The following DCX variants were observed in gnomAD, a reference collection of about 807,000 sequenced individuals.
DCX encodes the protein doublecortin.
DCX carries 4 observed loss-of-function variants against 20.9 expected under a neutral mutation model. That is an observed-to-expected ratio of 0.19 (90% CI 0.09 to 0.44). The LOEUF (loss-of-function observed/expected upper bound fraction) is 0.44. Among genes scored for constraint, DCX ranks in the 20% least tolerant of loss-of-function variants. The pLI is 0.99. For synonymous variants in DCX, 103 were observed against 111.4 expected (o/e 0.92, Z 0.47); for missense variants, 133 against 296.9 (o/e 0.45, Z 4.06).
At position 111,379,848 on chromosome X, in the gene DCX, A is replaced by T. The variant is rs763183213; in HGVS notation, c.705+21142T>A. 5.4e-5 allele frequency among the ~76,000 whole-genome samples: 6 copies of T among 110,621 alleles called. No individual in the cohort carries two copies. In the South Asian group the frequency reaches 2.3e-3, roughly 43 times the overall value. ...GAGGTTTCTTTCTTTCTTTTTTTTA[A>T]CTTCCTTGCCAATGCTTATTATTCT... On this transcript the variant is annotated intron_variant, in intron 3 of 6. Coordinates refer to ENST00000636035, the MANE Select transcript of DCX (RefSeq NM_001195553.2).
At chrX:111,391,979 G>A (rs1926987208) in intron 3 of DCX, among the ~76,000 whole-genome samples, 1 of 111,603 alleles carries the variant, frequency 9.0e-6, no homozygotes, top group South Asian at 3.8e-4. Flanking sequence ...CCACTGGATT[G>A]AAGGTCCCAA....
chrX:111,341,559 A>AAGACACAT (rs1922240389), intron 3 of DCX, among the ~76,000 whole-genome samples: 1 of 110,991 alleles, frequency 9.0e-6, no homozygotes, highest in Admixed American at 9.6e-5. Context: ...GATCAACCCC[A>AAGACACAT]AGACACATAA....
At position 111,383,289 on chromosome X, in the gene DCX, T is replaced by C. The variant is rs374986298; in HGVS notation, c.705+17701A>G. Among the ~76,000 whole-genome samples, 4 of 112,149 alleles carry C rather than the reference T, an allele frequency of 3.6e-5. No individual in the cohort carries two copies. The East Asian group carries it at 1.1e-3, about 32-fold the overall frequency. On this transcript the variant is annotated intron_variant, in intron 3 of 6. Coordinates refer to ENST00000636035, the MANE Select transcript of DCX (RefSeq NM_001195553.2). ...TATAGATTTATGTCCTTGTGCAAGATGTTTATGTTTCTTCTTGGTGAAAAA... is the reference window on the plus strand; with the variant it reads ...TATAGATTTATGTCCTTGTGCAAGACGTTTATGTTTCTTCTTGGTGAAAAA...
intron 3 of DCX, among the ~76,000 whole-genome samples, chrX:111,334,561 GTATT>G (rs1921547640): frequency 8.9e-6 from 1 of 112,318 alleles, no homozygotes; most frequent in African/African-American, 3.2e-5. Context: ...CTAGAAGTCA[GTATT>G]TATTGTCATT....
intron 5 of DCX, among the ~76,000 whole-genome samples, chrX:111,316,785 C>T (rs1480264058): frequency 9.0e-6 from 1 of 111,294 alleles, no homozygotes; most frequent in Non-Finnish European, 1.9e-5. Context: ...CAACAACAGC[C>T]AAGCTGAGAG....
At chrX:111,327,643 A>C (rs2095102523) in intron 5 of DCX, among the ~76,000 whole-genome samples, 1 of 112,303 alleles carries the variant, frequency 8.9e-6, no homozygotes, top group Non-Finnish European at 1.9e-5. Flanking sequence ...ATCTTGCACA[A>C]ATCACAAAGC....
At chrX:111,334,057 T>C (rs1375100677) in intron 3 of DCX, among the ~76,000 whole-genome samples, 1 of 112,377 alleles carries the variant, frequency 8.9e-6, no homozygotes, top group East Asian at 2.8e-4. Flanking sequence ...CCTCTAATTG[T>C]TCTAAGTTTC....
chrX:111,407,356 C>T (rs2147271110), intron 2 of DCX, among the ~76,000 whole-genome samples: 1 of 112,113 alleles, frequency 8.9e-6, no homozygotes, highest in East Asian at 2.8e-4. Context: ...GTCTGTCCTC[C>T]ATTCCCAGAT....
At chrX:111,316,159 G>T (rs1027818459) in intron 5 of DCX, among the ~76,000 whole-genome samples, 4 of 108,828 alleles carry the variant, frequency 3.7e-5, no homozygotes, top group African/African-American at 1.0e-4. Flanking sequence ...ATACTGAATG[G>T]GCAAAAGCTG....
rs377402465 is a variant in DCX, at chrX:111,352,187, T to G, written c.706-19034A>C. 2.1e-4 allele frequency among the ~76,000 whole-genome samples: 24 copies of G among 112,149 alleles called. No individual in the cohort carries two copies. The East Asian group carries it at 5.1e-3, about 24-fold the overall frequency. ...TGGAATGCTGCTAAATGTCCTACAA[T>G]GCACAGGACAGCTCCCTACAACAAA... On this transcript the variant is annotated intron_variant, in intron 3 of 6. Coordinates refer to ENST00000636035, the MANE Select transcript of DCX (RefSeq NM_001195553.2).
Position 111,379,006 on chromosome X carries a change from T to A in DCX, c.705+21984A>T, listed in dbSNP as rs1603420957. ...TCATCCCTCACCAGATAAGCAAACC[T>A]GCCAGCACCTTGATCTTGAACTTTC... On this transcript the variant is annotated intron_variant, in intron 3 of 6. Coordinates refer to ENST00000636035, the MANE Select transcript of DCX (RefSeq NM_001195553.2). 2.7e-5 allele frequency among the ~76,000 whole-genome samples: 3 copies of A among 111,574 alleles called. No individual in the cohort carries two copies. In the Admixed American group the frequency reaches 2.9e-4, roughly 11 times the overall value.
At chrX:111,318,387 TAAC>T (rs1356389229) in intron 5 of DCX, among the ~76,000 whole-genome samples, 1 of 104,324 alleles carries the variant, frequency 9.6e-6, no homozygotes, top group African/African-American at 3.5e-5. Context: ...ATAATAATAA[TAAC>T]AATAATAATA....
chrX:111,366,462 C>A (rs772994285), intron 3 of DCX, among the ~76,000 whole-genome samples: 4 of 111,995 alleles, frequency 3.6e-5, no homozygotes, highest in Non-Finnish European at 7.5e-5. Context: ...TCGAAGGCAA[C>A]CAGAGCCCAC....
intron 3 of DCX, among the ~76,000 whole-genome samples, chrX:111,370,647 T>A (rs971289563): frequency 4.5e-5 from 5 of 111,054 alleles, no homozygotes; most frequent in African/African-American, 9.8e-5. Context: ...AGTTCGGAAC[T>A]GGCTTTGAGA....
At chrX:111,314,360 C>A (rs1274106571) in intron 5 of DCX, among the ~76,000 whole-genome samples, 1 of 111,648 alleles carries the variant, frequency 9.0e-6, no homozygotes, top group African/African-American at 3.3e-5. Flanking sequence ...GGCAAGAATT[C>A]AGTGAAATAA....
intron 3 of DCX, among the ~76,000 whole-genome samples, chrX:111,377,996 A>G (rs1009365946): frequency 9.0e-6 from 1 of 111,352 alleles, no homozygotes; most frequent in Non-Finnish European, 1.9e-5. Flanking sequence ...GGACCAGGAA[A>G]CCAAAGAAAG....
intron 3 of DCX, among the ~76,000 whole-genome samples, chrX:111,355,083 A>G (rs1923622181): frequency 8.9e-6 from 1 of 112,674 alleles, no homozygotes; most frequent in South Asian, 3.7e-4. Flanking sequence ...TAACCTACAC[A>G]TAGTTGAAAG....
chrX:111,317,408 C>T (rs1420814311), intron 5 of DCX, among the ~76,000 whole-genome samples: 1 of 110,305 alleles, frequency 9.1e-6, no homozygotes. Context: ...TTCCTTACAC[C>T]ATATACAAAA....
chrX:111,401,382 A>G, intron 2 of DCX, 52 bp from the exon 3 acceptor site: 1 of 1,060,943 alleles, frequency 9.4e-7, no homozygotes, highest in Non-Finnish European at 1.3e-6. Context: ...AGATATATGG[A>G]TTATTCTAAC....
Sources: gnomAD v4.1 joint callset for allele counts (sites outside exome capture counted in the v4.1 genomes callset) on GRCh38, gnomAD v4.1.1 for gene constraint, MANE v1.5 for transcripts, NCBI Gene and HGNC (gene_info 2026-07-23, HGNC 2026-07-21) for gene names.